The following LRP1B variants were observed in gnomAD, a reference collection of about 807,000 sequenced individuals.
LRP1B encodes the protein low-density lipoprotein receptor-related protein 1B.
In LRP1B, 217 loss-of-function variants were observed where a neutral mutation model predicts 556.6. The observed-to-expected ratio is 0.39, with a 90% CI of 0.35 to 0.44. The LOEUF (loss-of-function observed/expected upper bound fraction) is 0.44. Among genes scored for constraint, LRP1B ranks in the 20% least tolerant of loss-of-function variants. LRP1B has a pLI of 1.00. For synonymous variants in LRP1B, 2,047 were observed against 1,865.8 expected, an observed-to-expected ratio of 1.10 and a Z score of -2.50; for missense variants, 5,053 against 5,620.8, an observed-to-expected ratio of 0.90 and a Z score of 3.23.
intron 37 of LRP1B, among the ~76,000 whole-genome samples, chr2:140,712,198 A>G (rs986604150): frequency 2.0e-5 from 3 of 152,112 alleles, no homozygotes; most frequent in Non-Finnish European, 4.4e-5. Context: ...GTCCTTATCC[A>G]CTGGCTGACT....
chr2:140,968,417 CTCTTT>C (rs754080329), intron 18 of LRP1B, among the ~76,000 whole-genome samples: 27 of 150,870 alleles, frequency 1.8e-4, no homozygotes, highest in Admixed American at 5.9e-4. Flanking sequence ...TGATTCTTCT[CTCTTT>C]TCTTATTAGT....
chr2:140,243,621 A>C (rs1284248810), intron 87 of LRP1B, among the ~76,000 whole-genome samples: 2 of 151,162 alleles, frequency 1.3e-5, no homozygotes, highest in Non-Finnish European at 3.0e-5. Context: ...AATGTTAAAA[A>C]TTGTAAAGAA....
chr2:140,332,843 T>C (rs1334140894), intron 79 of LRP1B, among the ~76,000 whole-genome samples: 2 of 152,204 alleles, frequency 1.3e-5, no homozygotes, highest in East Asian at 1.9e-4. Context: ...CTACAGGTAA[T>C]TCCACAAACT....
intron 1 of LRP1B, among the ~76,000 whole-genome samples, chr2:141,928,752 C>T (rs1281329458): frequency 1.3e-5 from 2 of 152,046 alleles, no homozygotes; most frequent in Non-Finnish European, 2.9e-5. Context: ...GAAATAGAAT[C>T]AAAAGTACAA....
chr2:140,314,264 A>G (rs1301270095), intron 83 of LRP1B, among the ~76,000 whole-genome samples: 2 of 151,998 alleles, frequency 1.3e-5, no homozygotes, highest in African/African-American at 4.8e-5. Flanking sequence ...TTAGATTTTT[A>G]TTATGCATTG....
chr2:141,958,508 G>C (rs116037267), intron 1 of LRP1B, among the ~76,000 whole-genome samples: 454 of 152,056 alleles, frequency 3.0e-3, no homozygotes, highest in African/African-American at 0.01. Context: ...GAGTGGACTT[G>C]ACTAATCAAC....
At position 140,427,843 on chromosome 2, in the gene LRP1B, C is replaced by G. The variant is rs570459712; in HGVS notation, c.10414+14661G>C. On this transcript the variant is annotated intron_variant, in intron 66 of 90. Coordinates refer to ENST00000389484, the MANE Select transcript of LRP1B (RefSeq NM_018557.3). Reference sequence around the variant, plus strand: ...TAGGTCCCAGTTCTTCCTCAGCCTCCGCTCCTCCACCCTATAATCCTTTTA... The same window carrying G: ...TAGGTCCCAGTTCTTCCTCAGCCTCGGCTCCTCCACCCTATAATCCTTTTA... Among the ~76,000 whole-genome samples, 9 of 152,148 alleles carry G rather than the reference C, an allele frequency of 5.9e-5. No individual in the cohort carries two copies. In the East Asian group the frequency reaches 7.8e-4, roughly 13 times the overall value.
intron 66 of LRP1B, among the ~76,000 whole-genome samples, chr2:140,411,379 T>C (rs1402026260): frequency 1.3e-5 from 2 of 152,240 alleles, no homozygotes; most frequent in East Asian, 1.9e-4. Context: ...TAAATGATCA[T>C]TAAGATAATT....
chr2:140,895,410 G>T (rs773402372), intron 23 of LRP1B, among the ~76,000 whole-genome samples: 1 of 152,130 alleles, frequency 6.6e-6, no homozygotes, highest in Non-Finnish European at 1.5e-5. Context: ...GAAGGGGGTG[G>T]CTCGTTTACT....
At chr2:141,421,266 C>T (rs1258686217) in intron 3 of LRP1B, among the ~76,000 whole-genome samples, 2 of 152,080 alleles carry the variant, frequency 1.3e-5, no homozygotes, top group Non-Finnish European at 2.9e-5. Flanking sequence ...CGGTGGCTCA[C>T]GCCTGTAATC....
intron 3 of LRP1B, among the ~76,000 whole-genome samples, chr2:141,431,167 G>A (rs201033952): frequency 1.7e-4 from 12 of 68,700 alleles, no homozygotes; most frequent in East Asian, 1.5e-3. Context: ...ATAAATAAAT[G>A]AAATAGATTA....
chr2:141,256,574 A>G (rs1684474091), intron 3 of LRP1B, among the ~76,000 whole-genome samples: 1 of 152,104 alleles, frequency 6.6e-6, no homozygotes, highest in South Asian at 2.1e-4. Context: ...AAAGCTATCT[A>G]AGTGACTAGG....
chr2:141,493,683 T>C (rs1046089407), intron 2 of LRP1B, among the ~76,000 whole-genome samples: 6 of 152,042 alleles, frequency 3.9e-5, no homozygotes, highest in Non-Finnish European at 7.4e-5. Flanking sequence ...CAGCAGGAGA[T>C]TATTTGAGGG....
intron 66 of LRP1B, among the ~76,000 whole-genome samples, chr2:140,393,070 C>T (rs934939828): frequency 6.6e-6 from 1 of 151,896 alleles, no homozygotes; most frequent in Non-Finnish European, 1.5e-5. Context: ...GCCTGGACTA[C>T]GCACACACCA....
At chr2:141,663,535 C>T (rs1178506855) in intron 2 of LRP1B, among the ~76,000 whole-genome samples, 2 of 152,078 alleles carry the variant, frequency 1.3e-5, no homozygotes, top group Non-Finnish European at 2.9e-5. Flanking sequence ...TAAATATAAA[C>T]AACCGTCAGA....
chr2:142,096,539 A>G (rs1184963477), intron 1 of LRP1B, among the ~76,000 whole-genome samples: 1 of 151,392 alleles, frequency 6.6e-6, no homozygotes, highest in African/African-American at 2.4e-5. Context: ...TAAATGATCC[A>G]TAGGCCTCCT....
At chr2:140,824,834 T>C (rs1691449533) in intron 31 of LRP1B, among the ~76,000 whole-genome samples, 1 of 152,128 alleles carries the variant, frequency 6.6e-6, no homozygotes, top group South Asian at 2.1e-4. Context: ...AACTGAGACA[T>C]ATCAATAAAT....
intron 42 of LRP1B, among the ~76,000 whole-genome samples, chr2:140,599,172 G>A (rs1682556713): frequency 1.3e-5 from 2 of 152,134 alleles, no homozygotes; most frequent in South Asian, 2.1e-4. Flanking sequence ...TCCACAAACT[G>A]CAAATATACC....
intron 86 of LRP1B, among the ~76,000 whole-genome samples, chr2:140,261,945 G>C (rs1681961311): frequency 6.6e-6 from 1 of 151,928 alleles, no homozygotes. Context: ...GATTTGAAAA[G>C]TTTGTTTTTT....
Sources: gnomAD v4.1 joint callset for allele counts (sites outside exome capture counted in the v4.1 genomes callset) on GRCh38, gnomAD v4.1.1 for gene constraint, MANE v1.5 for transcripts, NCBI Gene and HGNC (gene_info 2026-07-23, HGNC 2026-07-21) for gene names.